The following GABRG3 variants were observed in gnomAD, a reference collection of about 807,000 sequenced individuals.
GABRG3 encodes gamma-aminobutyric acid type A receptor subunit gamma3, also known as gamma-aminobutyric acid receptor subunit gamma-3.
GABRG3 carries 25 observed loss-of-function variants against 48.8 expected under a neutral mutation model. The observed-to-expected ratio is 0.51, with a 90% confidence interval of 0.37 to 0.72. The LOEUF is 0.72. Among genes scored for constraint, GABRG3 ranks in the 30% least tolerant of loss-of-function variants. The pLI, the probability that GABRG3 is intolerant of heterozygous loss-of-function variation, is 0.00. For missense variants in GABRG3, 394 were observed against 577.9 expected (o/e 0.68, Z 3.26); for synonymous variants, 227 against 217.6 (o/e 1.04, Z -0.38).
intron 3 of GABRG3, among the ~76,000 whole-genome samples, chr15:27,061,824 G>A (rs1896651577): frequency 1.3e-5 from 2 of 152,132 alleles, no homozygotes; most frequent in African/African-American, 4.8e-5. Flanking sequence ...CGGGCCTGGT[G>A]GAAGCCTCAG....
intron 5 of GABRG3, among the ~76,000 whole-genome samples, chr15:27,419,961 T>A (rs117909517): frequency 0.021 from 3,155 of 152,194 alleles, 58 homozygotes; most frequent in South Asian, 0.08. Context: ...TTTGATTTTT[T>A]AAAAAAAATC....
chr15:27,485,057 G>A (rs565074625), intron 6 of GABRG3, among the ~76,000 whole-genome samples: 1 of 152,308 alleles, frequency 6.6e-6, no homozygotes, highest in African/African-American at 2.4e-5. Flanking sequence ...TTCTTCCAAA[G>A]AGCGCAGGAG....
intron 3 of GABRG3, among the ~76,000 whole-genome samples, chr15:27,220,491 A>G (rs539534526): frequency 1.3e-5 from 2 of 152,246 alleles, no homozygotes; most frequent in East Asian, 3.9e-4. Flanking sequence ...GACCTTCTTT[A>G]GGCTCCTCAG....
chr15:27,328,121 A>C (rs1379942307), intron 4 of GABRG3, among the ~76,000 whole-genome samples: 4 of 143,326 alleles, frequency 2.8e-5, no homozygotes, highest in African/African-American at 1.2e-4. Context: ...ACAAACAAAA[A>C]AAAAAACCAA....
intron 5 of GABRG3, among the ~76,000 whole-genome samples, chr15:27,419,678 A>G (rs1489837736): frequency 6.6e-6 from 1 of 152,222 alleles, no homozygotes; most frequent in Non-Finnish European, 1.5e-5. Flanking sequence ...TGGCCCCATT[A>G]TGATTTTCAC....
In GABRG3 at chr15:27,541,694, G is replaced by C. The variant is rs1414199814; in HGVS notation, c.*8813G>C. The C allele has an allele frequency of 6.6e-6, 1 of 152,248 alleles. No individual in the cohort carries two copies. The highest frequency in any genetic ancestry group is 1.5e-5 in the Non-Finnish European group (1 of 68,124). The allele number at this position is 152,248 out of a possible 1,614,324, so 9.4% of individuals were successfully genotyped here. A position where few individuals can be genotyped will look rare whatever the true frequency, so the allele number is the denominator to read the frequency against. ...GTAGCCCCTGTGTCCCTGTCGTCCCGCGAGGGATTGGAGGCCCTGGCTCCG... is the reference window on the plus strand; with the variant it reads ...GTAGCCCCTGTGTCCCTGTCGTCCCCCGAGGGATTGGAGGCCCTGGCTCCG... On this transcript the variant is annotated 3_prime_UTR_variant, in exon 10 of 10. Transcript: ENST00000615808.
At chr15:27,444,720 A>T (rs1888891095) in intron 5 of GABRG3, among the ~76,000 whole-genome samples, 1 of 151,868 alleles carries the variant, frequency 6.6e-6, no homozygotes, top group South Asian at 2.1e-4. Flanking sequence ...TTCTCTTCCT[A>T]CTTTCTTTTG....
At chr15:27,434,010 A>C (rs369241000) in intron 5 of GABRG3, among the ~76,000 whole-genome samples, 4 of 152,168 alleles carry the variant, frequency 2.6e-5, no homozygotes, top group African/African-American at 9.7e-5. Context: ...TATTTGTAGC[A>C]TTTTCCTCAT....
intron 3 of GABRG3, among the ~76,000 whole-genome samples, chr15:27,143,139 C>G (rs1466047041): frequency 5.3e-5 from 8 of 152,164 alleles, no homozygotes; most frequent in African/African-American, 1.9e-4. Flanking sequence ...AGTGCAGTAG[C>G]ATAATCATAG....
intron 3 of GABRG3, among the ~76,000 whole-genome samples, chr15:27,077,486 T>C (rs1370424908): frequency 6.6e-6 from 1 of 152,104 alleles, no homozygotes; most frequent in Non-Finnish European, 1.5e-5. Flanking sequence ...TCTTTAGAAA[T>C]GCCAAGACAA....
intron 3 of GABRG3, among the ~76,000 whole-genome samples, chr15:27,184,019 C>A (rs933252923): frequency 6.6e-6 from 1 of 152,128 alleles, no homozygotes; most frequent in African/African-American, 2.4e-5. Flanking sequence ...AGTTTATTAA[C>A]GTGTATTTCA....
At chr15:27,495,105 A>G (rs971058019) in intron 6 of GABRG3, among the ~76,000 whole-genome samples, 14 of 152,114 alleles carry the variant, frequency 9.2e-5, no homozygotes, top group African/African-American at 3.4e-4. Flanking sequence ...TACATCTTCT[A>G]TAGCCACTAA....
chr15:27,281,114 CT>C (rs1360532531), intron 3 of GABRG3, among the ~76,000 whole-genome samples: 1 of 152,114 alleles, frequency 6.6e-6, no homozygotes, highest in Admixed American at 6.6e-5. Context: ...CTGAAATCTA[CT>C]TTATCTTATG....
At chr15:27,170,383 TA>T (rs1442611774) in intron 3 of GABRG3, among the ~76,000 whole-genome samples, 15 of 152,290 alleles carry the variant, frequency 9.8e-5, no homozygotes, top group African/African-American at 3.6e-4. Context: ...TACATATATG[TA>T]TATATACATG....
intron 3 of GABRG3, among the ~76,000 whole-genome samples, chr15:27,308,542 A>G (rs1231153946): frequency 2.7e-5 from 4 of 148,522 alleles, no homozygotes; most frequent in South Asian, 2.2e-4. Context: ...ATAAACATAT[A>G]TAATGTAAAC....
At chr15:27,300,391 C>T (rs28590327) in intron 3 of GABRG3, among the ~76,000 whole-genome samples, 2,647 of 152,152 alleles carry the variant, frequency 0.017, 80 homozygotes, top group African/African-American at 0.06. Flanking sequence ...AGGCCAGGCA[C>T]GGTCACTCAC....
At chr15:27,292,980 C>A (rs1448171758) in intron 3 of GABRG3, among the ~76,000 whole-genome samples, 1 of 152,130 alleles carries the variant, frequency 6.6e-6, no homozygotes, top group East Asian at 1.9e-4. Context: ...ATATAGAAAG[C>A]CCTAATCCTG....
chr15:27,232,204 T>G (rs754332802), intron 3 of GABRG3, among the ~76,000 whole-genome samples: 1 of 152,254 alleles, frequency 6.6e-6, no homozygotes, highest in Non-Finnish European at 1.5e-5. Context: ...TAGGAAATTG[T>G]ATGTCATAAT....
rs887056491 is a variant in GABRG3 at position 26,976,920 on chromosome 15, G to A, written c.54-82G>A. The A allele has an allele frequency of 2.1e-6, 3 of 1,433,568 alleles. No individual in the cohort carries two copies. The highest frequency in any genetic ancestry group is 2.9e-5 in the African/African-American group (2 of 70,108). The allele number at this position is 1,433,568 out of a possible 1,614,324, so 88.8% of individuals were successfully genotyped here. A position where few individuals can be genotyped will look rare whatever the true frequency, so the allele number is the denominator to read the frequency against. ...ACTGGGGACTTTCTACCCATTTCATGGTACTTGGATAGGACAAACTTAGGC... is the reference window on the plus strand; with the variant it reads ...ACTGGGGACTTTCTACCCATTTCATAGTACTTGGATAGGACAAACTTAGGC... On this transcript the variant is annotated intron_variant, in intron 1 of 9. Coordinates refer to ENST00000615808, the MANE Select transcript of GABRG3 (RefSeq NM_033223.5). This position sits in a 1 kb window ranked among gnomAD's most constrained non-coding sequence, Gnocchi z 7.8.
Sources: gnomAD v4.1 joint callset for allele counts (sites outside exome capture counted in the v4.1 genomes callset) on GRCh38, gnomAD v4.1.1 for gene constraint, Gnocchi (gnomAD v3.1) non-coding constraint, MANE v1.5 for transcripts, NCBI Gene and HGNC (gene_info 2026-07-23, HGNC 2026-07-21) for gene names.